Variants in CSF1R observed in about 807,000 individuals in gnomAD.
CSF1R encodes the protein macrophage colony-stimulating factor 1 receptor.
CSF1R carries 40 observed loss-of-function variants against 110.0 expected under a neutral mutation model. The observed-to-expected ratio is 0.36, with a 90% CI of 0.28 to 0.47. The LOEUF (loss-of-function observed/expected upper bound fraction) is 0.47. CSF1R is among the 20% of genes least tolerant of loss of function. CSF1R has a pLI of 0.99. For synonymous variants in CSF1R, 523 were observed against 503.4 expected (o/e 1.04, Z -0.52); for missense variants, 1,052 against 1,253.0 (o/e 0.84, Z 2.42).
In CSF1R at chr5:150,054,127, C is replaced by T. The variant is rs1379972794; in HGVS notation, c.2861G>A (p.Cys954Tyr). ...GGGCTGGGCGATATCCCCTTGCTCG[C>T]AGCAGGTCAGGTGCTCACTAGAGCT... ...EESSSEHLTC[C>Y]EQGDIAQPLL... The change falls in exon 21 of 21, where the codon TGC becomes TAC. Residue 954 changes from cysteine (C) to tyrosine (Y), a missense_variant. Coordinates refer to ENST00000675795, the MANE Select transcript of CSF1R (RefSeq NM_001288705.3). The T allele has an allele frequency of 3.7e-6, 6 of 1,613,988 alleles. No individual in the cohort carries two copies. In the Middle Eastern group the frequency reaches 4.9e-4, roughly 133 times the overall value.
chr5:150,070,342 C>A (rs201228334), intron 7 of CSF1R, 40 bp from the exon 8 acceptor site: 2 of 1,604,550 alleles, frequency 1.2e-6, no homozygotes, highest in Non-Finnish European at 1.7e-6. Flanking sequence ...ACACTTTCCC[C>A]GCCACCTCCC....
At position 150,054,170 on chromosome 5, in the gene CSF1R, TGCTGCTGCTGCCGCTGCCACC is replaced by T; in HGVS notation, c.2797_2817del (p.Gly933_Ser939del). The T allele has an allele frequency of 2.5e-6, 4 of 1,611,366 alleles. No homozygotes were observed. The highest frequency in any genetic ancestry group is 1.7e-4 in the Middle Eastern group (1 of 6,058). On this transcript the variant is annotated inframe_deletion, in exon 21 of 21. Coordinates refer to ENST00000675795, the MANE Select transcript of CSF1R (RefSeq NM_001288705.3). The stretch of plus-strand genomic sequence containing the variant: ...CTAGAGCTCTCCTCCTCCAGCTCAC[TGCTGCTGCTGCCGCTGCCACC>T]GCTTCTGCTGCTGCTCGGCAGATTG...
intron 19 of CSF1R, 166 bp from the exon 20 acceptor site, chr5:150,054,596 C>T: frequency 1.7e-6 from 1 of 591,526 alleles, no homozygotes; most frequent in Non-Finnish European, 3.0e-6. Flanking sequence ...ATTTAATCCT[C>T]ACAGTAACCC....
intron 1 of CSF1R, among the ~76,000 whole-genome samples, chr5:150,110,835 TTC>T (rs1253221967): frequency 6.6e-6 from 1 of 152,166 alleles, no homozygotes; most frequent in Non-Finnish European, 1.5e-5. Flanking sequence ...AAAGAAGACC[TTC>T]TCTTTCTATA....
Position 150,053,344 on chromosome 5 carries a change from CTGTT to C in CSF1R, c.*721_*724del, listed in dbSNP as rs543445510. The C allele has an allele frequency of 6.4e-5, 15 of 233,768 alleles. No homozygotes were observed. In the East Asian group the frequency reaches 7.8e-4, roughly 12 times the overall value. 14.5% of individuals were successfully genotyped at this position (233,768 alleles called of 1,614,324 possible). ...TGGACAGAGACATCCCACGGCGTGA[CTGTT>C]AGTTAGGATGAGTCAGCTTGGGGGA... On this transcript the variant is annotated 3_prime_UTR_variant, in exon 21 of 21. Coordinates refer to ENST00000675795, the MANE Select transcript of CSF1R (RefSeq NM_001288705.3).
intron 3 of CSF1R, among the ~76,000 whole-genome samples, chr5:150,079,136 G>T (rs993454906): frequency 3.9e-4 from 59 of 152,348 alleles, no homozygotes; most frequent in African/African-American, 1.3e-3. Context: ...GGTCCCTGAG[G>T]GGGTGTCAAG....
At chr5:150,065,121 C>T (rs1757702256) in intron 10 of CSF1R, among the ~76,000 whole-genome samples, 2 of 152,198 alleles carry the variant, frequency 1.3e-5, no homozygotes, top group African/African-American at 4.8e-5. Flanking sequence ...GCCTAAGCCC[C>T]AGGCCCACCC....
intron 5 of CSF1R, among the ~76,000 whole-genome samples, chr5:150,075,812 C>T (rs1227587639): frequency 6.6e-6 from 1 of 152,138 alleles, no homozygotes; most frequent in Non-Finnish European, 1.5e-5. Context: ...GATTAGAAGC[C>T]GTAACTGAAT....
chr5:150,106,138 T>G (rs1759549605), intron 1 of CSF1R, among the ~76,000 whole-genome samples: 2 of 152,090 alleles, frequency 1.3e-5, no homozygotes, highest in South Asian at 4.1e-4. Flanking sequence ...AGTGGGGAAG[T>G]GCCATGGGAC....
At chr5:150,054,789 C>G in intron 19 of CSF1R, 1 of 256,120 alleles carries the variant, frequency 3.9e-6, no homozygotes, top group Non-Finnish European at 7.4e-6. Flanking sequence ...GAGTTCCAGA[C>G]CAGCCTGGAC....
Position 150,080,089 on chromosome 5 carries a change from CT to C in CSF1R, c.554del (p.Lys185ArgfsTer2), listed in dbSNP as rs1758458149. 1.9e-6 allele frequency: 3 copies of C among 1,614,056 alleles called. No homozygotes were observed. Among genetic ancestry groups the C allele is most frequent in the Non-Finnish European group, 2.5e-6 (3 of 1,180,036 alleles). ...YQCSALMGGR[K>X]VMSISIRLKV... is the part of the protein sequence containing the mutation. ...TCAGCCGGATGCTGATGGACATCAC[CT>C]TCCTGCCACCCATCAGGGCACTGCA... On this transcript the variant is annotated frameshift_variant, in exon 3 of 21. Coordinates refer to ENST00000675795, the MANE Select transcript of CSF1R (RefSeq NM_001288705.3). LOFTEE classifies it high-confidence loss of function.
intron 3 of CSF1R, among the ~76,000 whole-genome samples, 184 bp downstream of exon 3, chr5:150,079,868 C>T (rs1370587297): frequency 6.6e-6 from 1 of 152,210 alleles, no homozygotes; most frequent in Non-Finnish European, 1.5e-5. Context: ...GTTTGTCTCC[C>T]TGCCCCGACA....
chr5:150,085,744 A>C (rs1162201047), intron 1 of CSF1R, among the ~76,000 whole-genome samples: 1 of 151,852 alleles, frequency 6.6e-6, no homozygotes, highest in Non-Finnish European at 1.5e-5. Context: ...CTCCCCTCTG[A>C]CCCCTTACAC....
rs547653185 is a variant in CSF1R at position 150,054,060 on chromosome 5, G to A, written c.*9C>T. The A allele has an allele frequency of 3.7e-5, 60 of 1,613,676 alleles. 1 individual carries two copies. The highest frequency in any genetic ancestry group is 1.9e-4 in the African/African-American group (14 of 74,910). ...GGAGGGGAGAGTGGTACTCCCTGTC[G>A]TCAACTCCTCAGCAGAACTGATAGT... is the stretch of plus-strand genomic sequence containing the variant. On this transcript the variant is annotated 3_prime_UTR_variant, in exon 21 of 21. Coordinates refer to ENST00000675795, the MANE Select transcript of CSF1R (RefSeq NM_001288705.3).
chr5:150,057,481 G>T (rs767100188), intron 15 of CSF1R, 23 bp downstream of exon 15: 19 of 1,612,624 alleles, frequency 1.2e-5, no homozygotes, highest in African/African-American at 2.7e-5. Flanking sequence ...AGCAAATGGG[G>T]CCTGGCCCTG....
At chr5:150,056,409 C>T (rs2113779879) in intron 16 of CSF1R, 68 bp from the exon 17 acceptor site, 2 of 1,588,264 alleles carry the variant, frequency 1.3e-6, no homozygotes, top group Non-Finnish European at 1.7e-6. Flanking sequence ...AGGAGGATGG[C>T]AGGGAGGGCC....
At chr5:150,079,701 A>G (rs1170796914) in intron 3 of CSF1R, among the ~76,000 whole-genome samples, 2 of 152,292 alleles carry the variant, frequency 1.3e-5, no homozygotes, top group African/African-American at 4.8e-5. Context: ...CACCTTCTTC[A>G]TGTCATTCAG....
At chr5:150,065,167 A>G (rs1239798168) in intron 10 of CSF1R, among the ~76,000 whole-genome samples, 3 of 152,084 alleles carry the variant, frequency 2.0e-5, no homozygotes, top group African/African-American at 7.2e-5. Context: ...CTCCCCACCA[A>G]AGGGGGCATG....
upstream of CSF1R, among the ~76,000 whole-genome samples, chr5:150,088,185 G>A (rs1391478345): frequency 6.6e-6 from 1 of 152,116 alleles, no homozygotes; most frequent in African/African-American, 2.4e-5. Context: ...TTTCAGAAAA[G>A]TGTTTTGAAC....
Sources: gnomAD v4.1 joint callset for allele counts (sites outside exome capture counted in the v4.1 genomes callset) on GRCh38, gnomAD v4.1.1 for gene constraint, MANE v1.5 for transcripts, NCBI Gene and HGNC (gene_info 2026-07-23, HGNC 2026-07-21) for gene names.